NCAM2: variants seen among roughly 807,000 people sequenced by gnomAD.
The protein encoded by NCAM2 is neural cell adhesion molecule 2, also known as N-CAM-2.
A neutral mutation model predicts 98.1 loss-of-function variants in NCAM2; 30 were observed. The observed-to-expected ratio is 0.31, with a 90% CI of 0.23 to 0.41. The LOEUF is 0.41. Ranked by LOEUF, NCAM2 falls within the 10% of genes least tolerant of loss-of-function variation. NCAM2 has a pLI of 1.00. For missense variants in NCAM2, 867 were observed against 1,005.8 expected (o/e 0.86, Z 1.87); for synonymous variants, 368 against 342.4 (o/e 1.07, Z -0.83).
intron 1 of NCAM2, among the ~76,000 whole-genome samples, chr21:21,088,712 G>A (rs1569010062): frequency 6.6e-6 from 1 of 152,132 alleles, no homozygotes; most frequent in Non-Finnish European, 1.5e-5. Flanking sequence ...CATTCTTGGG[G>A]CTAGGAGCGG....
At chr21:21,094,826 A>C (rs541695040) in intron 1 of NCAM2, among the ~76,000 whole-genome samples, 29 of 151,920 alleles carry the variant, frequency 1.9e-4, no homozygotes, top group African/African-American at 6.0e-4. Flanking sequence ...GATTTAAGAA[A>C]ATTTGAATTA....
chr21:21,445,140 G>A (rs1173713480), intron 12 of NCAM2, among the ~76,000 whole-genome samples: 5 of 152,136 alleles, frequency 3.3e-5, no homozygotes. Flanking sequence ...TAATTGTGTG[G>A]TTTTGAGTGA....
chr21:21,100,070 A>C (rs1434731012), intron 1 of NCAM2, among the ~76,000 whole-genome samples: 1 of 151,996 alleles, frequency 6.6e-6, no homozygotes, highest in African/African-American at 2.4e-5. Flanking sequence ...AAAGGCCTAC[A>C]TAGCCAAAAA....
At chr21:21,474,711 C>A (rs1984922942) in intron 14 of NCAM2, among the ~76,000 whole-genome samples, 1 of 152,050 alleles carries the variant, frequency 6.6e-6, no homozygotes, top group African/African-American at 2.4e-5. Flanking sequence ...TGTCTGCTGC[C>A]TCATGGATCC....
chr21:21,500,525 A>C (rs1018260417), intron 15 of NCAM2, among the ~76,000 whole-genome samples: 1 of 127,750 alleles, frequency 7.8e-6, no homozygotes, highest in Admixed American at 7.8e-5. Flanking sequence ...TGCGTAAATC[A>C]AAATTTTCAT....
In NCAM2 at chr21:21,028,037, A is replaced by G. The variant is rs546926125; in HGVS notation, c.55+29419A>G. 1.4e-4 allele frequency among the ~76,000 whole-genome samples: 21 copies of G among 151,866 alleles called. No homozygotes were observed. In the East Asian group the frequency reaches 2.9e-3, roughly 21 times the overall value. On this transcript the variant is annotated intron_variant, in intron 1 of 17. Coordinates refer to ENST00000400546, the MANE Select transcript of NCAM2 (RefSeq NM_004540.5). ...CTCCACCACACCCAGCTAATTTTGT[A>G]TTTTTAGTAGAGATGGGATTCCTTC...
intron 9 of NCAM2, among the ~76,000 whole-genome samples, chr21:21,396,096 C>CT: frequency 6.6e-6 from 1 of 151,584 alleles, no homozygotes; most frequent in African/African-American, 2.4e-5. Context: ...GGAAGAGAAT[C>CT]TTCACAAACT....
chr21:21,196,587 G>A (rs1289762373), intron 1 of NCAM2, among the ~76,000 whole-genome samples: 4 of 152,212 alleles, frequency 2.6e-5, no homozygotes, highest in Non-Finnish European at 5.9e-5. Context: ...AGGGTCACAA[G>A]ATCAAATTCT....
rs559324575 is a variant in NCAM2 at position 21,170,721 on chromosome 21, T to C, written c.56-109857T>C. Among the ~76,000 whole-genome samples the C allele has an allele frequency of 1.2e-4, 19 of 152,294 alleles. No homozygotes were observed. In the South Asian group the frequency reaches 3.3e-3, roughly 27 times the overall value. On this transcript the variant is annotated intron_variant, in intron 1 of 17. Transcript: ENST00000400546. ...TACATGTTTACCAAAATCCATGGAA[T>C]ATATATTCTGAGTGAACCTTAATGT...
chr21:21,203,101 T>C (rs1234676893), intron 1 of NCAM2, among the ~76,000 whole-genome samples: 1 of 152,202 alleles, frequency 6.6e-6, no homozygotes, highest in Non-Finnish European at 1.5e-5. Context: ...TTTGAAACTC[T>C]CTTTGATTTT....
chr21:21,181,621 A>T (rs532172169), intron 1 of NCAM2, among the ~76,000 whole-genome samples: 1 of 152,128 alleles, frequency 6.6e-6, no homozygotes, highest in Non-Finnish European at 1.5e-5. Context: ...TTCCTATCTT[A>T]GGGCCTTTAC....
At chr21:21,048,510 G>A (rs1601199257) in intron 1 of NCAM2, among the ~76,000 whole-genome samples, 1 of 152,006 alleles carries the variant, frequency 6.6e-6, no homozygotes. Context: ...CCCGCCACAC[G>A]CCCGGCTAAT....
At chr21:21,381,034 A>G (rs577867873) in intron 9 of NCAM2, among the ~76,000 whole-genome samples, 1 of 152,282 alleles carries the variant, frequency 6.6e-6, no homozygotes, top group East Asian at 1.9e-4. Context: ...CTGCATTTTT[A>G]TGTGAAATTA....
At chr21:21,238,351 A>G (rs981242525) in intron 1 of NCAM2, among the ~76,000 whole-genome samples, 3 of 152,232 alleles carry the variant, frequency 2.0e-5, no homozygotes, top group Non-Finnish European at 4.4e-5. Context: ...TTCATTTAAA[A>G]TAATACATAC....
chr21:21,342,185 T>C (rs1246804343), intron 8 of NCAM2, among the ~76,000 whole-genome samples: 1 of 152,194 alleles, frequency 6.6e-6, no homozygotes, highest in Admixed American at 6.6e-5. Context: ...AATCACCATA[T>C]ACATAACTAT....
At chr21:21,211,795 A>G (rs554434075) in intron 1 of NCAM2, among the ~76,000 whole-genome samples, 1 of 152,298 alleles carries the variant, frequency 6.6e-6, no homozygotes, top group East Asian at 1.9e-4. Flanking sequence ...CTCCTATGGT[A>G]GAAATATACT....
chr21:21,325,736 ATT>A (rs2074494125), intron 6 of NCAM2, among the ~76,000 whole-genome samples: 1 of 152,130 alleles, frequency 6.6e-6, no homozygotes, highest in African/African-American at 2.4e-5. Flanking sequence ...ATGGTTTTGT[ATT>A]TCCACAGAGA....
rs536312340 is a variant in NCAM2 at position 21,446,315 on chromosome 21, G to A, written c.1654+14034G>A. Among the ~76,000 whole-genome samples the A allele has an allele frequency of 1.3e-3, 203 of 152,034 alleles. 1 individual carries two copies. Among genetic ancestry groups the A allele is most frequent in the African/African-American group, 4.7e-3 (194 of 41,500 alleles). Reference sequence around the variant, plus strand: ...TCTGATGATTATGTGTCTTGGGGTTGACCTTCTTGCGGAGTATCTTAGTAG... The same window carrying A: ...TCTGATGATTATGTGTCTTGGGGTTAACCTTCTTGCGGAGTATCTTAGTAG... On this transcript the variant is annotated intron_variant, in intron 12 of 17. Coordinates refer to ENST00000400546, the MANE Select transcript of NCAM2 (RefSeq NM_004540.5).
At chr21:21,290,954 A>C (rs1039412739) in intron 4 of NCAM2, among the ~76,000 whole-genome samples, 3 of 151,614 alleles carry the variant, frequency 2.0e-5, no homozygotes, top group African/African-American at 7.3e-5. Flanking sequence ...GCTGATGGAG[A>C]CTCTGCCTTT....
Sources: gnomAD v4.1 joint callset for allele counts (sites outside exome capture counted in the v4.1 genomes callset) on GRCh38, gnomAD v4.1.1 for gene constraint, MANE v1.5 for transcripts, NCBI Gene and HGNC (gene_info 2026-07-23, HGNC 2026-07-21) for gene names.